SEZ6L: variants seen among roughly 807,000 people sequenced by gnomAD.
SEZ6L encodes the protein seizure related 6 homolog like.
SEZ6L carries 37 observed loss-of-function variants against 106.2 expected under a neutral mutation model. That is an observed-to-expected ratio of 0.35 (90% CI 0.27 to 0.46). The LOEUF is 0.46. Ranked by LOEUF, SEZ6L falls within the 20% of genes least tolerant of loss-of-function variation. The pLI is 1.00. For missense variants in SEZ6L, 1,172 were observed against 1,332.8 expected (o/e 0.88, Z 1.88); for synonymous variants, 541 against 570.4 (o/e 0.95, Z 0.73).
chr22:26,214,003 G>C (rs757177255), intron 1 of SEZ6L, among the ~76,000 whole-genome samples: 5 of 152,250 alleles, frequency 3.3e-5, no homozygotes, highest in Non-Finnish European at 7.3e-5. Context: ...GCAAGGCACA[G>C]GGCAGTACAA....
intron 1 of SEZ6L, among the ~76,000 whole-genome samples, chr22:26,216,227 G>A (rs966329519): frequency 2.0e-5 from 3 of 152,216 alleles, no homozygotes; most frequent in Non-Finnish European, 4.4e-5. Context: ...TAGTGGAGGA[G>A]CTGGAAATGA....
chr22:26,292,857 G>GC lies in SEZ6L; in HGVS notation c.550dup (p.Leu184ProfsTer44). 6.2e-7 allele frequency: 1 copy of GC among 1,614,128 alleles called. No homozygotes were observed. Among genetic ancestry groups the GC allele is most frequent in the Non-Finnish European group, 8.5e-7 (1 of 1,179,990 alleles). On this transcript the variant is annotated frameshift_variant, in exon 2 of 17. Coordinates refer to ENST00000248933, the MANE Select transcript of SEZ6L (RefSeq NM_021115.5). LOFTEE classifies it high-confidence loss of function. ...TGGCCTCCGAGGAGGCATCAGAAGT[G>GC]CCCCTTTGGCTGGACCGAAAGGAGA...
At chr22:26,359,037 G>GA (rs1235596138) in intron 12 of SEZ6L, among the ~76,000 whole-genome samples, 1 of 152,110 alleles carries the variant, frequency 6.6e-6, no homozygotes, top group Non-Finnish European at 1.5e-5. Flanking sequence ...TTTATGGGCA[G>GA]AAAAAAATGG....
Position 26,296,998 on chromosome 22 carries a change from C to T in SEZ6L, c.1080C>T (p.Ile360=). 6.2e-7 allele frequency: 1 copy of T among 1,614,132 alleles called. No individual in the cohort carries two copies. The highest frequency in any genetic ancestry group is 1.3e-5 in the African/African-American group (1 of 75,042). ...NQTLLVEGQV[I]RSPTNTISVY... ...CACTCCTGGTGGAGGGGCAGGTAAT[C>T]CGAAGCCCCACCAACACCATCTCCG... Residue 360 remains isoleucine (I), a synonymous_variant, in exon 4 of 17, where the codon ATC becomes ATT. Transcript: ENST00000248933.
intron 1 of SEZ6L, among the ~76,000 whole-genome samples, chr22:26,260,713 A>C (rs1365364394): frequency 6.6e-6 from 1 of 152,152 alleles, no homozygotes; most frequent in African/African-American, 2.4e-5. Flanking sequence ...TATCTTTTTC[A>C]TATAATGACC....
At chr22:26,355,098 G>C (rs1234974684) in intron 12 of SEZ6L, among the ~76,000 whole-genome samples, 1 of 152,230 alleles carries the variant, frequency 6.6e-6, no homozygotes, top group Non-Finnish European at 1.5e-5. Context: ...GCTTTGAAAC[G>C]TTTTGTCGAC....
chr22:26,228,254 A>G (rs2078693152), intron 1 of SEZ6L, among the ~76,000 whole-genome samples: 1 of 152,262 alleles, frequency 6.6e-6, no homozygotes, highest in Non-Finnish European at 1.5e-5. Flanking sequence ...TTCCCAGGAA[A>G]TAACCATGCT....
At chr22:26,299,430 C>A (rs936965402) in intron 5 of SEZ6L, among the ~76,000 whole-genome samples, 4 of 152,214 alleles carry the variant, frequency 2.6e-5, no homozygotes, top group Non-Finnish European at 2.9e-5. Flanking sequence ...ATCTTTAACA[C>A]CCCAAATGGA....
Position 26,296,872 on chromosome 22 carries a change from T to C in SEZ6L, c.970-16T>C, listed in dbSNP as rs745535818. The C allele has an allele frequency of 6.4e-7, 1 of 1,562,090 alleles. No homozygotes were observed. Among genetic ancestry groups the C allele is most frequent in the African/African-American group, 1.4e-5 (1 of 73,210 alleles). ...CAACTCAGAGTTCCTCTCTGTCTGC[T>C]TCTGCCTGTTCCCAGGTGAAGAGTG... is the stretch of plus-strand genomic sequence containing the variant. On this transcript the variant is annotated splice_polypyrimidine_tract_variant and intron_variant, in intron 3 of 16. Transcript: ENST00000248933.
At position 26,292,980 on chromosome 22, in the gene SEZ6L, G is replaced by A; in HGVS notation, c.669G>A (p.Glu223=). ...HTLPQRPEPG[E]PGPDMAQEAP... ...TCCCCCAGAGGCCAGAACCCGGGGAGCCTGGGCCTGACATGGCCCAGGAGG... is the reference window on the plus strand; with the variant it reads ...TCCCCCAGAGGCCAGAACCCGGGGAACCTGGGCCTGACATGGCCCAGGAGG... Residue 223 remains glutamate (E), a synonymous_variant, in exon 2 of 17, where the codon GAG becomes GAA. Transcript: ENST00000248933. 1.2e-6 allele frequency: 2 copies of A among 1,613,916 alleles called. No homozygotes were observed. The highest frequency in any genetic ancestry group is 1.1e-5 in the South Asian group (1 of 91,068).
chr22:26,244,378 C>T (rs1474752774), intron 1 of SEZ6L: 1 of 152,252 alleles, frequency 6.6e-6, no homozygotes, highest in African/African-American at 2.4e-5. Flanking sequence ...GTGTTAAGTC[C>T]TAGCCACTGG....
At chr22:26,279,067 C>T (rs2080668530) in intron 1 of SEZ6L, among the ~76,000 whole-genome samples, 1 of 151,582 alleles carries the variant, frequency 6.6e-6, no homozygotes, top group Non-Finnish European at 1.5e-5. Context: ...CCCCCCCAAC[C>T]ACGTTGAATG....
chr22:26,361,544 A>T (rs984596754), intron 12 of SEZ6L, among the ~76,000 whole-genome samples: 14 of 150,000 alleles, frequency 9.3e-5, no homozygotes, highest in Non-Finnish European at 1.5e-5. Flanking sequence ...TATATGTATT[A>T]AGTGAACAAC....
rs1556371589 is a variant in SEZ6L, at chr22:26,348,646, A to AAGAAAGAGAAAGAAAGAAAG, written c.2407+734_2407+735insGAAAGAGAAAGAAAGAAAGA. 7.8e-4 allele frequency among the ~76,000 whole-genome samples: 6 copies of AAGAAAGAGAAAGAAAGAAAG among 7,694 alleles called. No homozygotes were observed. In the East Asian group the frequency reaches 0.026, roughly 33 times the overall value. The allele number at this position is 7,694 out of a possible 152,430, so 5.0% of individuals were successfully genotyped here. ...AAAGAAAGAAAGAAAGAAAGAAAGA[A>AAGAAAGAGAAAGAAAGAAAG]AAAGAAAGAAAGAAAGAAAGAAAGA... is the stretch of plus-strand genomic sequence containing the variant. On this transcript the variant is annotated intron_variant, in intron 11 of 16. Transcript: ENST00000248933.
At chr22:26,374,350 T>G (rs1568957840) in intron 14 of SEZ6L, among the ~76,000 whole-genome samples, 2 of 151,992 alleles carry the variant, frequency 1.3e-5, no homozygotes, top group African/African-American at 4.8e-5. Context: ...ATGAGTTCAC[T>G]TAGAATCTGG....
intron 1 of SEZ6L, among the ~76,000 whole-genome samples, chr22:26,177,075 A>G (rs945983153): frequency 3.3e-5 from 5 of 152,192 alleles, no homozygotes; most frequent in Non-Finnish European, 5.9e-5. Context: ...ATTATGTTAA[A>G]TGACTTTTCC....
At chr22:26,331,329 T>A (rs972318474) in intron 9 of SEZ6L, among the ~76,000 whole-genome samples, 1 of 152,210 alleles carries the variant, frequency 6.6e-6, no homozygotes, top group African/African-American at 2.4e-5. Flanking sequence ...GCTGTTTTTA[T>A]CCTTTTTGAA....
intron 1 of SEZ6L, among the ~76,000 whole-genome samples, chr22:26,211,826 A>AT (rs2078167642): frequency 6.7e-6 from 1 of 149,584 alleles, no homozygotes. Flanking sequence ...AAAAAAAAAA[A>AT]AAATTTAAAT....
At chr22:26,243,278 T>A (rs2079200449) in intron 1 of SEZ6L, among the ~76,000 whole-genome samples, 1 of 152,220 alleles carries the variant, frequency 6.6e-6, no homozygotes, top group South Asian at 2.1e-4. Flanking sequence ...CACAAGGATA[T>A]CAAGGATAAA....
Sources: allele counts gnomAD v4.1 joint callset (sites outside exome capture counted in the v4.1 genomes callset), GRCh38; gene constraint gnomAD v4.1.1; transcripts MANE v1.5; gene names NCBI Gene and HGNC (gene_info 2026-07-23, HGNC 2026-07-21).